USP50: variants seen among roughly 807,000 people sequenced by gnomAD.
USP50 encodes ubiquitin carboxyl-terminal hydrolase 50.
In USP50, 37 loss-of-function variants were observed where a neutral mutation model predicts 39.2. The observed-to-expected ratio is 0.94, with a 90% CI of 0.73 to 1.24. USP50 has a LOEUF of 1.24. USP50 is among the 50% of genes most tolerant of loss of function. The pLI, the probability that USP50 is intolerant of heterozygous loss-of-function variation, is 0.00. For missense variants in USP50, 374 were observed against 398.2 expected (o/e 0.94, Z 0.52); for synonymous variants, 139 against 144.5 (o/e 0.96, Z 0.27).
intron 5 of USP50, chr15:50,532,087 T>C (rs373613539): frequency 2.2e-6 from 1 of 456,052 alleles, no homozygotes. Context: ...AATTGATGAA[T>C]TGCTAGAGGC....
rs893303973 is a variant in USP50, at chr15:50,500,890, T to C, written c.937-53A>G. 2.2e-6 allele frequency: 3 copies of C among 1,381,062 alleles called. No homozygotes were observed. The Admixed American group carries it at 5.9e-5, about 27-fold the overall frequency. 85.6% of individuals were successfully genotyped at this position (1,381,062 alleles called of 1,614,324 possible). A position where few individuals can be genotyped will look rare whatever the true frequency, so the allele number is the denominator to read the frequency against. ...GTATTCACATATGAACACTAACTAC[T>C]GGAACAGAAATGATAGGGCCAAGAG... On this transcript the variant is annotated intron_variant, in intron 6 of 6. Transcript: ENST00000532404.
At chr15:50,544,840 C>A in intron 1 of USP50, 59 bp from the exon 2 acceptor site, 1 of 1,466,678 alleles carries the variant, frequency 6.8e-7, no homozygotes, top group South Asian at 1.2e-5. Context: ...GTACAAATGA[C>A]AATAAGCTTC....
Position 50,500,665 on chromosome 15 carries a change from T to C in USP50, c.*104A>G. ...CCATTTTCCTGGCTCTTAACGCTTT[T>C]GTATTGGTATGGAAAAGGGCTGGCA... On this transcript the variant is annotated 3_prime_UTR_variant, in exon 7 of 7. Coordinates refer to ENST00000532404, the MANE Select transcript of USP50 (RefSeq NM_203494.5). 1 of 1,123,984 alleles carries C rather than the reference T, an allele frequency of 8.9e-7. No homozygotes were observed. Among genetic ancestry groups the C allele is most frequent in the Non-Finnish European group, 1.3e-6 (1 of 766,030 alleles). The allele number at this position is 1,123,984 out of a possible 1,614,324, so 69.6% of individuals were successfully genotyped here.
chr15:50,526,013 G>T (rs932986011), intron 6 of USP50, among the ~76,000 whole-genome samples: 9 of 151,938 alleles, frequency 5.9e-5, no homozygotes, highest in Admixed American at 4.6e-4. Context: ...GAAACGGAAG[G>T]GAGCGGGATC....
chr15:50,540,727 G>A (rs887507482), intron 4 of USP50, among the ~76,000 whole-genome samples: 2 of 152,108 alleles, frequency 1.3e-5, no homozygotes, highest in African/African-American at 4.8e-5. Context: ...AGGTTCAAGC[G>A]ATTCTTATGG....
rs1413521710 is a variant in USP50 at position 50,529,885 on chromosome 15, A to C, written c.848T>G (p.Ile283Ser). 1 of 1,613,900 alleles carries C rather than the reference A, an allele frequency of 6.2e-7. No homozygotes were observed. The highest frequency in any genetic ancestry group is 1.3e-5 in the African/African-American group (1 of 74,934). ...GTCCAAGTTAGTGAGTGGGTAATGA[A>C]TATCCGTTCTCAGCTTCCTTTTTGT... is the stretch of plus-strand genomic sequence containing the variant. The part of the protein sequence containing the change: ...GTTKRKLRTD[I>S]HYPLTNLDLT... The change falls in exon 6 of 7, where the codon ATT becomes AGT. Residue 283 changes from isoleucine (I) to serine (S), a missense_variant. Transcript: ENST00000532404.
At chr15:50,524,775 G>C (rs1410874300) in intron 6 of USP50, among the ~76,000 whole-genome samples, 1 of 152,206 alleles carries the variant, frequency 6.6e-6, no homozygotes, top group Non-Finnish European at 1.5e-5. Flanking sequence ...TTGGGAGGCT[G>C]AAGTGGGAGG....
chr15:50,501,407 G>C (rs759880157), intron 6 of USP50: 1 of 152,156 alleles, frequency 6.6e-6, no homozygotes, highest in African/African-American at 2.4e-5. Context: ...CTGAGAGGTC[G>C]AGGCTGCAAT....
Position 50,538,695 on chromosome 15 carries a change from G to A in USP50, c.803+14C>T. The A allele has an allele frequency of 6.4e-7, 1 of 1,554,008 alleles. No homozygotes were observed. The highest frequency in any genetic ancestry group is 8.7e-7 in the Non-Finnish European group (1 of 1,149,698). Reference sequence around the variant, plus strand: ...TTCGAAAATATGTGCCCACAAAAATGTAAAAATCCATACCTTTTTAGGTGG... The same window carrying A: ...TTCGAAAATATGTGCCCACAAAAATATAAAAATCCATACCTTTTTAGGTGG... On this transcript the variant is annotated intron_variant, in intron 5 of 6. Coordinates refer to ENST00000532404, the MANE Select transcript of USP50 (RefSeq NM_203494.5).
At chr15:50,503,481 G>C (rs942514495) in intron 6 of USP50, 1 of 152,198 alleles carries the variant, frequency 6.6e-6, no homozygotes, top group African/African-American at 2.4e-5. Flanking sequence ...CCCCCTACAA[G>C]GTGAGAAGTT....
chr15:50,529,297 C>T (rs1045438807), intron 6 of USP50, among the ~76,000 whole-genome samples: 5 of 151,182 alleles, frequency 3.3e-5, no homozygotes, highest in African/African-American at 1.2e-4. Flanking sequence ...GTCCCTTGAG[C>T]CCAGGAGTTC....
chr15:50,498,492 T>C (rs1482112350), downstream of USP50: 1 of 1,385,644 alleles, frequency 7.2e-7, no homozygotes, highest in African/African-American at 1.5e-5. Context: ...TCTTTGTATT[T>C]GAAATGGATT....
chr15:50,526,093 C>T (rs1435816157), intron 6 of USP50, among the ~76,000 whole-genome samples: 1 of 152,124 alleles, frequency 6.6e-6, no homozygotes, highest in Non-Finnish European at 1.5e-5. Context: ...GGGTTTCTCT[C>T]TGTTGCTTAG....
rs1296969929 is a variant in USP50, at chr15:50,544,662, A to T, written c.173T>A (p.Ile58Asn). ...CAAGATGCTGCAGAGACACTGTGAG[A>T]TGGCATTCACGCAGCATGTGTTGCC... The part of the protein sequence containing the change: ...NLGNTCCVNA[I>N]SQCLCSILPL... The change falls in exon 2 of 7, where the codon ATC (isoleucine) becomes AAC (asparagine). Residue 58 changes from isoleucine (I) to asparagine (N), a missense_variant. By Grantham distance (149) the Ile-to-Asn change is moderately radical. Coordinates refer to ENST00000532404, the MANE Select transcript of USP50 (RefSeq NM_203494.5). 6.2e-7 allele frequency: 1 copy of T among 1,613,872 alleles called. No homozygotes were observed.
intron 5 of USP50, among the ~76,000 whole-genome samples, chr15:50,535,258 G>A (rs1321795877): frequency 6.6e-6 from 1 of 152,048 alleles, no homozygotes; most frequent in East Asian, 1.9e-4. Context: ...GATCCAGCAG[G>A]CAAAAAATTA....
chr15:50,506,428 A>T (rs1398012352), intron 6 of USP50: 1 of 152,208 alleles, frequency 6.6e-6, no homozygotes, highest in South Asian at 2.1e-4. Context: ...GAGGTGGAAC[A>T]GTTTAATCCC....
chr15:50,546,617 T>C lies in USP50; in HGVS notation c.-92A>G. On this transcript the variant is annotated 5_prime_UTR_variant, in exon 1 of 7. Transcript: ENST00000532404. ...TCTCTGAGCCTGTTAACGCTGGCTT[T>C]TTGTTTTAAACAATTGATATGCTCC... is the stretch of plus-strand genomic sequence containing the variant. 3 of 1,464,528 alleles carry C rather than the reference T, an allele frequency of 2.0e-6. No homozygotes were observed. The highest frequency in any genetic ancestry group is 2.9e-6 in the Non-Finnish European group (3 of 1,048,648). The allele number at this position is 1,464,528 out of a possible 1,614,324, so 90.7% of individuals were successfully genotyped here.
At chr15:50,495,492 G>GGT (rs1555392711) in intron 1 of USP50, among the ~76,000 whole-genome samples, 3 of 149,542 alleles carry the variant, frequency 2.0e-5, no homozygotes, top group African/African-American at 7.4e-5. Context: ...TTGGAGGGGG[G>GGT]GGTCTCACTA....
intron 6 of USP50, among the ~76,000 whole-genome samples, chr15:50,525,622 G>GTATATGTA (rs1268128658): frequency 1.5e-5 from 2 of 130,478 alleles, no homozygotes; most frequent in South Asian, 2.3e-4. Flanking sequence ...ATGTATATAT[G>GTATATGTA]TATATGTATA....
Sources: gnomAD v4.1 joint callset for allele counts (sites outside exome capture counted in the v4.1 genomes callset) on GRCh38, gnomAD v4.1.1 for gene constraint, MANE v1.5 for transcripts, NCBI Gene and HGNC (gene_info 2026-07-23, HGNC 2026-07-21) for gene names.